CD44: variants seen among roughly 807,000 people sequenced by gnomAD.
CD44 encodes CD44 antigen.
CD44 carries 49 observed loss-of-function variants against 88.8 expected under a neutral mutation model. The observed-to-expected ratio is 0.55, with a 90% CI of 0.44 to 0.70. The LOEUF (loss-of-function observed/expected upper bound fraction) is 0.70. Among genes scored for constraint, CD44 ranks in the 30% least tolerant of loss-of-function variants. The pLI, the probability that CD44 is intolerant of heterozygous loss-of-function variation, is 0.00. For missense variants in CD44, 883 were observed against 913.8 expected, an observed-to-expected ratio of 0.97 and a Z score of 0.43; for synonymous variants, 325 against 312.3, an observed-to-expected ratio of 1.04 and a Z score of -0.43.
rs1431773915 is a variant in CD44, at chr11:35,222,745, ATTT to A, written c.2024+1016_2024+1018del. On this transcript the variant is annotated intron_variant, in intron 17 of 17. Coordinates refer to ENST00000428726, the MANE Select transcript of CD44 (RefSeq NM_000610.4). ...ACCCAAGACACTTTAAAGATACATTATTTTTCTCCAGGACGTAATTCATAGGAA... is the reference window on the plus strand; with the variant it reads ...ACCCAAGACACTTTAAAGATACATTATTCTCCAGGACGTAATTCATAGGAA... 6.1e-6 allele frequency: 6 copies of A among 976,548 alleles called. No individual in the cohort carries two copies. The East Asian group carries it at 6.8e-4, about 111-fold the overall frequency. 60.5% of individuals were successfully genotyped at this position (976,548 alleles called of 1,614,324 possible).
At chr11:35,218,138 T>A (rs1035535759) in intron 15 of CD44, among the ~76,000 whole-genome samples, 1 of 152,202 alleles carries the variant, frequency 6.6e-6, no homozygotes, top group Admixed American at 6.5e-5. Context: ...TCGATAGGCC[T>A]CCAGTTCTGA....
intron 1 of CD44, among the ~76,000 whole-genome samples, chr11:35,152,001 G>C (rs971030615): frequency 6.6e-6 from 1 of 152,230 alleles, no homozygotes; most frequent in Non-Finnish European, 1.5e-5. Flanking sequence ...AGACAAAAGT[G>C]ATGCCTCACC....
At chr11:35,152,935 C>T (rs1860626712) in intron 1 of CD44, among the ~76,000 whole-genome samples, 1 of 152,156 alleles carries the variant, frequency 6.6e-6, no homozygotes, top group Non-Finnish European at 1.5e-5. Flanking sequence ...AAGGTATAAA[C>T]TGAGCTGGGC....
chr11:35,184,980 A>G (rs1475852806), intron 3 of CD44, among the ~76,000 whole-genome samples: 1 of 152,192 alleles, frequency 6.6e-6, no homozygotes, highest in African/African-American at 2.4e-5. Flanking sequence ...TGTCCCCATC[A>G]CACATAAATG....
chr11:35,180,486 C>A, intron 3 of CD44, 79 bp downstream of exon 3: 1 of 1,460,446 alleles, frequency 6.8e-7, no homozygotes, highest in Non-Finnish European at 9.6e-7. Context: ...AGTGGGGATT[C>A]ATGTAGCCTC....
intron 1 of CD44, among the ~76,000 whole-genome samples, chr11:35,160,183 T>C (rs999219998): frequency 1.4e-4 from 22 of 152,218 alleles, no homozygotes; most frequent in African/African-American, 5.3e-4. Flanking sequence ...ATGGTTCAAA[T>C]TGGCCCAAGA....
chr11:35,140,473 A>G (rs1318457660), intron 1 of CD44, among the ~76,000 whole-genome samples: 1 of 152,198 alleles, frequency 6.6e-6, no homozygotes, highest in Non-Finnish European at 1.5e-5. Context: ...GGGAGTACTG[A>G]GAAATTGAAA....
intron 5 of CD44, among the ~76,000 whole-genome samples, chr11:35,196,260 T>C (rs1946732653): frequency 6.6e-6 from 1 of 152,244 alleles, no homozygotes; most frequent in African/African-American, 2.4e-5. Context: ...CATTGTTGGA[T>C]AGTTCAGATT....
Position 35,176,758 on chromosome 11 carries a change from G to A in CD44, c.233+18G>A. 1 of 1,606,798 alleles carries A rather than the reference G, an allele frequency of 6.2e-7. No individual in the cohort carries two copies. Among genetic ancestry groups the A allele is most frequent in the East Asian group, 2.2e-5 (1 of 44,738 alleles). On this transcript the variant is annotated intron_variant, in intron 2 of 17. Coordinates refer to ENST00000428726, the MANE Select transcript of CD44 (RefSeq NM_000610.4). ...ACCTGCAGGTAAGAGACCAGCACCCGACCACTGGGGAAAGCTGGCGGCCTG... is the reference window on the plus strand; with the variant it reads ...ACCTGCAGGTAAGAGACCAGCACCCAACCACTGGGGAAAGCTGGCGGCCTG...
intron 1 of CD44, among the ~76,000 whole-genome samples, chr11:35,174,965 G>C (rs1008936915): frequency 1.3e-5 from 2 of 152,230 alleles, no homozygotes; most frequent in African/African-American, 4.8e-5. Context: ...TGACCAGGCT[G>C]TTGTGAAGAC....
chr11:35,171,428 A>T (rs1943873007), intron 1 of CD44, among the ~76,000 whole-genome samples: 1 of 152,146 alleles, frequency 6.6e-6, no homozygotes, highest in South Asian at 2.1e-4. Flanking sequence ...TTTGCATAGG[A>T]TTTCTTCATC....
chr11:35,192,817 T>C (rs1264634665), intron 5 of CD44, among the ~76,000 whole-genome samples: 1 of 144,714 alleles, frequency 6.9e-6, no homozygotes, highest in East Asian at 2.1e-4. Context: ...TTTTCAGATC[T>C]GGTATGGCCT....
intron 1 of CD44, chr11:35,139,677 G>A: frequency 1.6e-6 from 1 of 635,014 alleles, no homozygotes; most frequent in South Asian, 1.5e-5. Context: ...CCGTTCTCCC[G>A]GATGCGCACA....
chr11:35,171,089 T>C (rs1207577572), intron 1 of CD44, among the ~76,000 whole-genome samples: 1 of 152,236 alleles, frequency 6.6e-6, no homozygotes, highest in Non-Finnish European at 1.5e-5. Flanking sequence ...ACACAATGAA[T>C]GCACAATAAA....
At chr11:35,182,149 A>T (rs1469089385) in intron 3 of CD44, among the ~76,000 whole-genome samples, 8 of 149,116 alleles carry the variant, frequency 5.4e-5, no homozygotes. Context: ...ATGGATTTTT[A>T]AACTATAAAA....
At chr11:35,191,334 G>C (rs1437085536) in intron 5 of CD44, among the ~76,000 whole-genome samples, 1 of 152,142 alleles carries the variant, frequency 6.6e-6, no homozygotes, top group African/African-American at 2.4e-5. Flanking sequence ...ATAGGCTTGG[G>C]GTTCCCATCA....
intron 1 of CD44, among the ~76,000 whole-genome samples, chr11:35,164,145 C>T (rs1415636447): frequency 1.3e-5 from 2 of 151,988 alleles, no homozygotes; most frequent in African/African-American, 2.4e-5. Context: ...TCCATTACCC[C>T]ACCATTCACA....
chr11:35,201,226 T>A (rs1947290512), intron 8 of CD44, 31 bp downstream of exon 8: 2 of 1,471,886 alleles, frequency 1.4e-6, no homozygotes, highest in Non-Finnish European at 1.9e-6. Flanking sequence ...AATGAAAGAT[T>A]TTTTTCCCCT....
intron 1 of CD44, among the ~76,000 whole-genome samples, chr11:35,171,519 T>C (rs1943883013): frequency 6.6e-6 from 1 of 152,192 alleles, no homozygotes; most frequent in South Asian, 2.1e-4. Context: ...AAAGGTTGAG[T>C]TTGTCTGTTT....
Sources: allele counts gnomAD v4.1 joint callset (sites outside exome capture counted in the v4.1 genomes callset), GRCh38; gene constraint gnomAD v4.1.1; transcripts MANE v1.5; gene names NCBI Gene and HGNC (gene_info 2026-07-23, HGNC 2026-07-21).